The following TAFA2 variants were observed in gnomAD, a reference collection of about 807,000 sequenced individuals.
The protein encoded by TAFA2 is TAFA chemokine like family member 2.
A neutral mutation model predicts 18.8 loss-of-function variants in TAFA2; 7 were observed. The observed-to-expected ratio is 0.37, with a 90% CI of 0.21 to 0.70. The LOEUF (loss-of-function observed/expected upper bound fraction) is 0.70. Ranked by LOEUF, TAFA2 falls within the 30% of genes least tolerant of loss-of-function variation. The pLI is 0.53. For synonymous variants in TAFA2, 60 were observed against 54.2 expected (o/e 1.11, Z -0.47); for missense variants, 122 against 158.1 (o/e 0.77, Z 1.23).
chr12:61,805,226 T>C (rs1871561504), intron 2 of TAFA2, among the ~76,000 whole-genome samples: 1 of 151,980 alleles, frequency 6.6e-6, no homozygotes, highest in African/African-American at 2.4e-5. Context: ...TGCTTTCTAA[T>C]ACATGGCACA....
chr12:62,039,243 C>A (rs1881693722), intron 1 of TAFA2, among the ~76,000 whole-genome samples: 1 of 152,150 alleles, frequency 6.6e-6, no homozygotes, highest in Non-Finnish European at 1.5e-5. Context: ...ACTCTATGCA[C>A]CTTACACTAA....
intron 1 of TAFA2, among the ~76,000 whole-genome samples, chr12:62,221,593 G>A (rs531724844): frequency 6.6e-6 from 1 of 152,232 alleles, no homozygotes; most frequent in East Asian, 1.9e-4. Context: ...TGGCACAAAA[G>A]ATTGGTGGTT....
chr12:62,127,269 A>G (rs1326278277), intron 1 of TAFA2, among the ~76,000 whole-genome samples: 1 of 151,976 alleles, frequency 6.6e-6, no homozygotes, highest in Non-Finnish European at 1.5e-5. Flanking sequence ...CAGAAGGAAG[A>G]TTGCACCTTC....
intron 4 of TAFA2, among the ~76,000 whole-genome samples, chr12:61,733,197 G>A (rs145069482): frequency 0.013 from 1,946 of 152,180 alleles, 52 homozygotes; most frequent in African/African-American, 0.044. Context: ...AGTAGGTTGT[G>A]AAAATTTTCT....
At chr12:61,789,639 A>C (rs1870889600) in intron 2 of TAFA2, among the ~76,000 whole-genome samples, 1 of 151,876 alleles carries the variant, frequency 6.6e-6, no homozygotes. Context: ...ATGTATACCT[A>C]TGTAATAAAC....
chr12:62,119,138 A>G (rs1168159007), intron 1 of TAFA2, among the ~76,000 whole-genome samples: 1 of 152,148 alleles, frequency 6.6e-6, no homozygotes, highest in Non-Finnish European at 1.5e-5. Context: ...ACCTAGTGTC[A>G]TGTTTTCATA....
chr12:61,899,024 C>A (rs1362503639), intron 1 of TAFA2, among the ~76,000 whole-genome samples: 1 of 152,222 alleles, frequency 6.6e-6, no homozygotes, highest in Non-Finnish European at 1.5e-5. Flanking sequence ...GCACCAGTCT[C>A]TTTGCTAAAG....
intron 1 of TAFA2, among the ~76,000 whole-genome samples, chr12:61,941,172 C>G (rs908498816): frequency 5.3e-5 from 8 of 152,006 alleles, no homozygotes; most frequent in Non-Finnish European, 1.0e-4. Flanking sequence ...TTACCATAAA[C>G]AGCACACCAA....
At chr12:61,797,087 C>T (rs919868215) in intron 2 of TAFA2, among the ~76,000 whole-genome samples, 5 of 152,120 alleles carry the variant, frequency 3.3e-5, no homozygotes, top group Non-Finnish European at 4.4e-5. Context: ...GTCAGACTAG[C>T]TACACTGGAA....
At chr12:61,834,623 G>A (rs552721474) in intron 2 of TAFA2, among the ~76,000 whole-genome samples, 72 of 151,984 alleles carry the variant, frequency 4.7e-4, no homozygotes, top group African/African-American at 1.7e-3. Context: ...TGCTTTCCCA[G>A]GTCCCTTCCT....
chr12:62,170,218 G>A (rs1450393249), intron 1 of TAFA2, among the ~76,000 whole-genome samples: 1 of 152,132 alleles, frequency 6.6e-6, no homozygotes, highest in East Asian at 1.9e-4. Context: ...TGGAACAAAG[G>A]AAACTATATG....
intron 1 of TAFA2, among the ~76,000 whole-genome samples, chr12:61,898,429 A>G (rs1292375335): frequency 6.6e-6 from 1 of 152,204 alleles, no homozygotes; most frequent in East Asian, 1.9e-4. Flanking sequence ...CCTGCAGCAC[A>G]CATCTGCCTG....
chr12:62,051,338 C>T (rs1002664520), intron 1 of TAFA2, among the ~76,000 whole-genome samples: 1 of 152,080 alleles, frequency 6.6e-6, no homozygotes, highest in African/African-American at 2.4e-5. Flanking sequence ...ATAAAGAATG[C>T]CAATTTTATA....
At chr12:61,768,139 C>A (rs1869867590) in intron 2 of TAFA2, among the ~76,000 whole-genome samples, 1 of 152,062 alleles carries the variant, frequency 6.6e-6, no homozygotes. Flanking sequence ...AAATCCAAAC[C>A]ATCTCTACTT....
chr12:61,987,365 A>G (rs556836799), intron 1 of TAFA2, among the ~76,000 whole-genome samples: 1 of 152,336 alleles, frequency 6.6e-6, no homozygotes, highest in African/African-American at 2.4e-5. Flanking sequence ...CCAGTAATCC[A>G]TCAAGTCTCA....
intron 1 of TAFA2, among the ~76,000 whole-genome samples, chr12:62,249,272 T>TTA (rs1555200378): frequency 7.3e-6 from 1 of 137,722 alleles, no homozygotes; most frequent in East Asian, 2.2e-4. Context: ...TTTTTTTTCC[T>TTA]AAAAAAAAAA....
chr12:62,090,893 T>C (rs1477994679), intron 1 of TAFA2, among the ~76,000 whole-genome samples: 1 of 151,978 alleles, frequency 6.6e-6, no homozygotes, highest in Non-Finnish European at 1.5e-5. Flanking sequence ...CAAAATTATG[T>C]TTTCAATAAT....
chr12:61,845,657 T>G (rs1873373659), intron 2 of TAFA2, among the ~76,000 whole-genome samples: 1 of 152,174 alleles, frequency 6.6e-6, no homozygotes, highest in Non-Finnish European at 1.5e-5. Flanking sequence ...TAGTTTAGTA[T>G]TCTTCTGGGG....
At chr12:62,181,710 G>C (rs7312872) in intron 1 of TAFA2, among the ~76,000 whole-genome samples, 27,250 of 152,058 alleles carry the variant, frequency 0.18, 2,786 homozygotes, top group African/African-American at 0.29. Context: ...CTTGTGACAT[G>C]AGGTCCTAGA....
Sources: gnomAD v4.1 joint callset for allele counts (sites outside exome capture counted in the v4.1 genomes callset) on GRCh38, gnomAD v4.1.1 for gene constraint, MANE v1.5 for transcripts, NCBI Gene and HGNC (gene_info 2026-07-23, HGNC 2026-07-21) for gene names.